The following MERTK variants were observed in gnomAD, a reference collection of about 807,000 sequenced individuals.
MERTK encodes MER proto-oncogene, tyrosine kinase.
A neutral mutation model predicts 99.3 loss-of-function variants in MERTK; 69 were observed. The ratio of observed to expected loss-of-function variants is 0.70; its 90% CI spans 0.57 to 0.85. The LOEUF is 0.85. MERTK is among the 40% of genes least tolerant of loss of function. MERTK has a pLI of 0.00. For missense variants in MERTK, 1,125 were observed against 1,249.4 expected (o/e 0.90, Z 1.50); for synonymous variants, 426 against 467.6 (o/e 0.91, Z 1.15).
At chr2:111,965,904 T>C (rs558253287) in intron 5 of MERTK, among the ~76,000 whole-genome samples, 24 of 152,330 alleles carry the variant, frequency 1.6e-4, no homozygotes, top group African/African-American at 5.5e-4. Context: ...GGCCGTGAGT[T>C]ATGATAATAG....
At chr2:112,001,867 A>C (rs1446522635) in intron 11 of MERTK, among the ~76,000 whole-genome samples, 1 of 152,212 alleles carries the variant, frequency 6.6e-6, no homozygotes, top group Non-Finnish European at 1.5e-5. Flanking sequence ...GACAGAATAC[A>C]GGTTGCTATG....
chr2:111,984,129 T>C (rs1415675188), intron 8 of MERTK, among the ~76,000 whole-genome samples: 1 of 151,964 alleles, frequency 6.6e-6, no homozygotes, highest in Non-Finnish European at 1.5e-5. Context: ...GTGGTGTAGA[T>C]CTCAGTCCAA....
At chr2:111,929,029 G>A in intron 1 of MERTK, 91 bp from the exon 2 acceptor site, 2 of 1,360,178 alleles carry the variant, frequency 1.5e-6, no homozygotes, top group Non-Finnish European at 1.0e-6. Flanking sequence ...GGACACCCCA[G>A]TGCTCTCTCT....
rs1457845024 is a variant in MERTK at position 111,903,397 on chromosome 2, C to A, written c.61+4601C>A. Among the ~76,000 whole-genome samples, 3 of 152,166 alleles carry A rather than the reference C, an allele frequency of 2.0e-5. No homozygotes were observed. The East Asian group carries it at 5.8e-4, about 29-fold the overall frequency. On this transcript the variant is annotated intron_variant, in intron 1 of 18. Coordinates refer to ENST00000295408, the MANE Select transcript of MERTK (RefSeq NM_006343.3). ...TGATTTCATTGCTGGAGGAGCTAGTCAATTAAAACCAGACAGATTTTTGGG... is the reference window on the plus strand; with the variant it reads ...TGATTTCATTGCTGGAGGAGCTAGTAAATTAAAACCAGACAGATTTTTGGG...
intron 1 of MERTK, among the ~76,000 whole-genome samples, chr2:111,919,894 C>T (rs1157182692): frequency 6.7e-6 from 1 of 149,116 alleles, no homozygotes; most frequent in Non-Finnish European, 1.5e-5. Context: ...TGCTTTTGCT[C>T]AGATGTCTCA....
chr2:111,968,518 T>G (rs1685403921), intron 6 of MERTK, among the ~76,000 whole-genome samples: 2 of 150,756 alleles, frequency 1.3e-5, no homozygotes, highest in Non-Finnish European at 3.0e-5. Flanking sequence ...CCAGGGAGAG[T>G]TCTTCTTCTT....
intron 1 of MERTK, among the ~76,000 whole-genome samples, chr2:111,909,088 A>G (rs1684193303): frequency 6.6e-6 from 1 of 152,244 alleles, no homozygotes; most frequent in Non-Finnish European, 1.5e-5. Context: ...ATTTCATTGC[A>G]TTTAGGATGG....
intron 6 of MERTK, among the ~76,000 whole-genome samples, chr2:111,968,714 A>G (rs1676006131): frequency 6.6e-6 from 1 of 152,082 alleles, no homozygotes; most frequent in African/African-American, 2.4e-5. Context: ...TTTTTAGTAG[A>G]GATGGGGTTT....
rs1208075407 is a variant in MERTK at position 111,947,513 on chromosome 2, A to G, written c.703A>G (p.Ser235Gly). The G allele has an allele frequency of 1.2e-6, 2 of 1,614,208 alleles. No homozygotes were observed. Among genetic ancestry groups the G allele is most frequent in the Non-Finnish European group, 8.5e-7 (1 of 1,180,034 alleles). The change falls in exon 4 of 19, where the codon AGT becomes GGT. Residue 235 changes from serine to glycine, a missense_variant. Physicochemically the swap from Ser to Gly is moderately conservative, Grantham distance 56. Coordinates refer to ENST00000295408, the MANE Select transcript of MERTK (RefSeq NM_006343.3). Reference sequence around the variant, plus strand: ...CGTCAACATTTTCTGGGTTCAAAACAGTAGCCGTGTTAACGAACAGCCTGA... The same window carrying G: ...CGTCAACATTTTCTGGGTTCAAAACGGTAGCCGTGTTAACGAACAGCCTGA... The part of the protein sequence containing the change: ...EPVNIFWVQN[S>G]SRVNEQPEKS...
At chr2:111,921,534 C>A (rs1684459753) in intron 1 of MERTK, among the ~76,000 whole-genome samples, 1 of 151,176 alleles carries the variant, frequency 6.6e-6, no homozygotes, top group South Asian at 2.1e-4. Context: ...CTCTAAATCA[C>A]AAACCCACCT....
In MERTK at chr2:111,992,407, A is replaced by G. The variant is rs138615163; in HGVS notation, c.1297-1844A>G. On this transcript the variant is annotated intron_variant, in intron 8 of 18. Coordinates refer to ENST00000295408, the MANE Select transcript of MERTK (RefSeq NM_006343.3). ...GCATGAAAGCTCTGCACCCCTTCCCATGTGCCTTGCCCTGTATAGCTCTTC... is the reference window on the plus strand; with the variant it reads ...GCATGAAAGCTCTGCACCCCTTCCCGTGTGCCTTGCCCTGTATAGCTCTTC... Among the ~76,000 whole-genome samples, 873 of 152,178 alleles carry G rather than the reference A, an allele frequency of 5.7e-3. 6 individuals carry two copies. Among genetic ancestry groups the G allele is most frequent in the Middle Eastern group, 0.034 (10 of 294 alleles).
intron 2 of MERTK, among the ~76,000 whole-genome samples, chr2:111,940,089 C>T (rs1240168620): frequency 2.7e-5 from 4 of 147,984 alleles, no homozygotes; most frequent in Non-Finnish European, 4.5e-5. Flanking sequence ...GAGCCCAGGT[C>T]CTCTTTCTTG....
At chr2:111,997,569 A>AT in intron 10 of MERTK, 93 bp downstream of exon 10, 1 of 1,458,522 alleles carries the variant, frequency 6.9e-7, no homozygotes, top group East Asian at 2.3e-5. Context: ...AGCTGCTTAC[A>AT]TTGCTCCCAG....
At chr2:111,969,636 G>A (rs1676042637) in intron 6 of MERTK, among the ~76,000 whole-genome samples, 1 of 151,188 alleles carries the variant, frequency 6.6e-6, no homozygotes, top group Non-Finnish European at 1.5e-5. Context: ...AAGAGTAAAA[G>A]CCTGTATTAT....
rs7588635 is a variant in MERTK at position 111,965,277 on chromosome 2, G to A, written c.844G>A (p.Ala282Thr). The change falls in exon 5 of 19, where the codon GCA (alanine) becomes ACA (threonine). Residue 282 changes from alanine (A) to threonine (T), a missense_variant and splice_region_variant. Physicochemically the swap from Ala to Thr is moderately conservative, Grantham distance 58. Coordinates refer to ENST00000295408, the MANE Select transcript of MERTK (RefSeq NM_006343.3). ...CAAGGGAGTGCAGATCAACATCAAA[G>A]GTAAGCAGCAAGGCTAGGCTCCCCA... Reference protein sequence around the residue: ...VSKGVQINIKAIPSPPTEVSI... With the variant: ...VSKGVQINIKTIPSPPTEVSI... 13,414 of 1,614,026 alleles carry A rather than the reference G, an allele frequency of 8.3e-3. 939 individuals are homozygous for A. In the African/African-American group the frequency reaches 0.15, roughly 18 times the overall value.
intron 4 of MERTK, among the ~76,000 whole-genome samples, chr2:111,959,550 T>C (rs1685206968): frequency 6.6e-6 from 1 of 152,124 alleles, no homozygotes; most frequent in African/African-American, 2.4e-5. Context: ...GAGTGCTCAC[T>C]GTAGCCTCAA....
chr2:111,931,247 T>A (rs1311924739), intron 2 of MERTK, among the ~76,000 whole-genome samples: 1 of 152,078 alleles, frequency 6.6e-6, no homozygotes, highest in African/African-American at 2.4e-5. Context: ...TAGTGGATAA[T>A]CCCTTAGCCT....
intron 7 of MERTK, among the ~76,000 whole-genome samples, chr2:111,980,294 C>T (rs1676343059): frequency 6.6e-6 from 1 of 151,962 alleles, no homozygotes; most frequent in Non-Finnish European, 1.5e-5. Flanking sequence ...TACAGGTGCC[C>T]TAAGTTTAGT....
At chr2:112,022,462 C>T (rs777342279) in intron 18 of MERTK, 68 bp downstream of exon 18, 45 of 1,606,210 alleles carry the variant, frequency 2.8e-5, no homozygotes, top group Middle Eastern at 1.6e-4. Flanking sequence ...GCACTGACCT[C>T]GGAAACACAG....
Sources: allele counts gnomAD v4.1 joint callset (sites outside exome capture counted in the v4.1 genomes callset), GRCh38; gene constraint gnomAD v4.1.1; transcripts MANE v1.5; gene names NCBI Gene and HGNC (gene_info 2026-07-23, HGNC 2026-07-21).